UBE2W: variants seen among roughly 807,000 people sequenced by gnomAD.
UBE2W encodes the protein ubiquitin conjugating enzyme E2 W.
Under a neutral mutation model 27.2 loss-of-function variants are expected in UBE2W, and 18 were observed. That is an observed-to-expected ratio of 0.66 (90% confidence interval 0.46 to 0.98). The LOEUF (loss-of-function observed/expected upper bound fraction) is 0.98. UBE2W is among the 50% of genes least tolerant of loss of function. UBE2W has a pLI of 0.00. For synonymous variants in UBE2W, 53 were observed against 57.2 expected, an observed-to-expected ratio of 0.93 and a Z score of 0.33; for missense variants, 90 against 180.2, an observed-to-expected ratio of 0.50 and a Z score of 2.87.
rs141302196 is a variant in UBE2W at position 73,838,173 on chromosome 8, T to C, written c.16-7701A>G. Among the ~76,000 whole-genome samples the C allele has an allele frequency of 4.1e-3, 618 of 152,318 alleles. 4 individuals carry two copies. The highest frequency in any genetic ancestry group is 0.014 in the African/African-American group (583 of 41,586). ...GTAAATGATTACATACTTTCAGAAC[T>C]GGCTCGGCTTTTCAGTGATTTTATA... On this transcript the variant is annotated intron_variant, in intron 1 of 5. Transcript: ENST00000602593.
rs71269958 is a variant in UBE2W at position 73,866,290 on chromosome 8, AATATATATATAT to A, written c.15+12506_15+12517del. On this transcript the variant is annotated intron_variant, in intron 1 of 5. Coordinates refer to ENST00000602593, the MANE Select transcript of UBE2W (RefSeq NM_018299.6). ...GTCTAAAAAAAAAAAAAAAAAAAAA[AATATATATATAT>A]ATATATATATATATATACTCAGCAA... Among the ~76,000 whole-genome samples, 62 of 43,090 alleles carry A rather than the reference AATATATATATAT, an allele frequency of 1.4e-3. 1 individual carries two copies. Among genetic ancestry groups the A allele is most frequent in the African/African-American group, 5.4e-3 (55 of 10,094 alleles). The allele number at this position is 43,090 out of a possible 152,430, so 28.3% of individuals were successfully genotyped here.
chr8:73,840,396 A>C (rs1420464908), intron 1 of UBE2W, among the ~76,000 whole-genome samples: 1 of 152,218 alleles, frequency 6.6e-6, no homozygotes. Context: ...TTCTAAGCTA[A>C]TTCATTTCTG....
intron 3 of UBE2W, among the ~76,000 whole-genome samples, chr8:73,823,977 T>C (rs1809727520): frequency 1.3e-5 from 2 of 152,160 alleles, no homozygotes; most frequent in African/African-American, 4.8e-5. Context: ...ACAAGCAAAA[T>C]TTTCAGTATC....
At chr8:73,813,435 A>C (rs1199842132) in intron 3 of UBE2W, among the ~76,000 whole-genome samples, 2 of 152,210 alleles carry the variant, frequency 1.3e-5, no homozygotes, top group African/African-American at 4.8e-5. Flanking sequence ...GTAGAAGAGG[A>C]CTGAGATAAA....
chr8:73,803,827 C>T (rs1437558700), intron 5 of UBE2W, among the ~76,000 whole-genome samples: 1 of 149,392 alleles, frequency 6.7e-6, no homozygotes, highest in African/African-American at 2.5e-5. Context: ...AGTGCAGTGG[C>T]GCGATCTCCG....
Position 73,790,194 on chromosome 8 carries a change from GAGA to G in UBE2W, c.*3905_*3907del. ...AATCCCTAACCTCAGAAAAAAAAAA[GAGA>G]GAATAAATTAGAAGTGAGAAAAGGA... On this transcript the variant is annotated 3_prime_UTR_variant, in exon 6 of 6. Transcript: ENST00000602593. The G allele has an allele frequency of 1.0e-6, 1 of 982,788 alleles. No individual in the cohort carries two copies. The highest frequency in any genetic ancestry group is 1.2e-6 in the Non-Finnish European group (1 of 828,330). The allele number at this position is 982,788 out of a possible 1,614,324, so 60.9% of individuals were successfully genotyped here. A position where few individuals can be genotyped will look rare whatever the true frequency, so the allele number is the denominator to read the frequency against.
chr8:73,793,751 G>GC lies in UBE2W; in HGVS notation c.*350dup. The GC allele has an allele frequency of 9.7e-7, 1 of 1,029,574 alleles. No homozygotes were observed. The allele number at this position is 1,029,574 out of a possible 1,614,324, so 63.8% of individuals were successfully genotyped here. ...TTTCCTGTTACAACGCCCATTGCCG[G>GC]CAATGAACGTACCAAAACCGCCAAG... is the stretch of plus-strand genomic sequence containing the variant. On this transcript the variant is annotated 3_prime_UTR_variant, in exon 6 of 6. Transcript: ENST00000602593.
At chr8:73,842,281 C>G (rs1810563705) in intron 1 of UBE2W, among the ~76,000 whole-genome samples, 2 of 152,028 alleles carry the variant, frequency 1.3e-5, no homozygotes. Context: ...GTAATTCCAG[C>G]ACTCTGGGAG....
chr8:73,801,083 T>C (rs560235903), intron 5 of UBE2W, among the ~76,000 whole-genome samples: 3 of 151,554 alleles, frequency 2.0e-5, no homozygotes. Context: ...AGAACAAAAC[T>C]CCGTCAAAAA....
chr8:73,868,610 G>A (rs1484629907), intron 1 of UBE2W, among the ~76,000 whole-genome samples: 1 of 152,024 alleles, frequency 6.6e-6, no homozygotes, highest in Non-Finnish European at 1.5e-5. Flanking sequence ...TGTCTAAAGT[G>A]GGGGCCAGTC....
chr8:73,785,147 C>A (rs908663845), downstream of UBE2W, among the ~76,000 whole-genome samples: 4 of 152,040 alleles, frequency 2.6e-5, no homozygotes, highest in African/African-American at 9.7e-5. Flanking sequence ...CAGGTCATGA[C>A]AATATTTTTA....
Position 73,810,489 on chromosome 8 carries a change from G to A in UBE2W, c.351C>T (p.Ser117=), listed in dbSNP as rs1333926952. The A allele has an allele frequency of 6.2e-7, 1 of 1,611,072 alleles. No homozygotes were observed. The highest frequency in any genetic ancestry group is 8.5e-7 in the Non-Finnish European group (1 of 1,179,160). Reference sequence around the variant, plus strand: ...AAAGTCTTACCTTTTCCTTGCAGCTGGAAAGCATGCTAATAATGCTAAGAC... The same window carrying A: ...AAAGTCTTACCTTTTCCTTGCAGCTAGAAAGCATGCTAATAATGCTAAGAC... ...SVCLSIISML[S]SCKEKRRPPD... The change falls in exon 4 of 6, where the codon TCC becomes TCT. Residue 117 remains serine, a synonymous_variant. Coordinates refer to ENST00000602593, the MANE Select transcript of UBE2W (RefSeq NM_018299.6).
intron 1 of UBE2W, among the ~76,000 whole-genome samples, 183 bp downstream of exon 1, chr8:73,878,625 C>T (rs1028923153): frequency 1.2e-4 from 19 of 152,208 alleles, no homozygotes; most frequent in Non-Finnish European, 1.9e-4. Flanking sequence ...TACCGCACCC[C>T]CCACAACGCC....
Position 73,794,130 on chromosome 8 carries a change from G to GA in UBE2W, c.443-16dup. On this transcript the variant is annotated splice_polypyrimidine_tract_variant and intron_variant, in intron 5 of 5. Transcript: ENST00000602593. Reference sequence around the variant, plus strand: ...ACAAGTATCATCTTTAAGAAAAGGAGAAAAAAGATAATTAAAAAGTCAAGC... The same window carrying GA: ...ACAAGTATCATCTTTAAGAAAAGGAGAAAAAAAGATAATTAAAAAGTCAAGC... 2 of 1,611,862 alleles carry GA rather than the reference G, an allele frequency of 1.2e-6. No individual in the cohort carries two copies. The highest frequency in any genetic ancestry group is 1.7e-6 in the Non-Finnish European group (2 of 1,179,058).
intron 5 of UBE2W, 46 bp from the exon 6 acceptor site, chr8:73,794,161 T>G (rs745601162): frequency 1.3e-6 from 2 of 1,598,330 alleles, no homozygotes; most frequent in African/African-American, 1.3e-5. Context: ...CAAGCATGTA[T>G]AAGTAAATTC....
At chr8:73,784,694 A>T (rs970362818), downstream of UBE2W, among the ~76,000 whole-genome samples, 1 of 152,114 alleles carries the variant, frequency 6.6e-6, no homozygotes, top group African/African-American at 2.4e-5. Context: ...TGCAAGTCTG[A>T]ATGATGGCTG....
chr8:73,869,653 T>C (rs2130990883), intron 1 of UBE2W, among the ~76,000 whole-genome samples: 1 of 152,014 alleles, frequency 6.6e-6, no homozygotes, highest in East Asian at 1.9e-4. Flanking sequence ...ATGGTGCCAC[T>C]GCACTCCAGT....
In UBE2W at chr8:73,792,125, A is replaced by T; in HGVS notation, c.*1977T>A. On this transcript the variant is annotated 3_prime_UTR_variant, in exon 6 of 6. Transcript: ENST00000602593. ...AGTTACGCAAAATATGAAAATACATAATTTACAGCTGCAATTTTCATATTA... is the reference window on the plus strand; with the variant it reads ...AGTTACGCAAAATATGAAAATACATTATTTACAGCTGCAATTTTCATATTA... The T allele has an allele frequency of 2.0e-6, 2 of 985,328 alleles. No individual in the cohort carries two copies. The highest frequency in any genetic ancestry group is 2.4e-6 in the Non-Finnish European group (2 of 829,808). 61.0% of individuals were successfully genotyped at this position (985,328 alleles called of 1,614,324 possible).
chr8:73,856,685 C>A (rs1163704885), intron 1 of UBE2W, among the ~76,000 whole-genome samples: 2 of 151,752 alleles, frequency 1.3e-5, no homozygotes, highest in African/African-American at 4.8e-5. Flanking sequence ...ACTCTTTACA[C>A]AGAAGATTTC....
Sources: gnomAD v4.1 joint callset for allele counts (sites outside exome capture counted in the v4.1 genomes callset) on GRCh38, gnomAD v4.1.1 for gene constraint, MANE v1.5 for transcripts, NCBI Gene and HGNC (gene_info 2026-07-23, HGNC 2026-07-21) for gene names.